WDR41: variants seen among roughly 807,000 people sequenced by gnomAD.
WDR41 encodes the protein WD repeat-containing protein 41.
Under a neutral mutation model 69.3 loss-of-function variants are expected in WDR41, and 63 were observed. The observed-to-expected ratio is 0.91, with a 90% CI of 0.74 to 1.12. The LOEUF (loss-of-function observed/expected upper bound fraction) is 1.12. WDR41 is among the 50% of genes most tolerant of loss of function. The probability of loss-of-function intolerance (pLI) is 0.00; values close to 1 mark genes in which losing one functional copy is unlikely to be tolerated. For synonymous variants in WDR41, 185 were observed against 192.1 expected, an observed-to-expected ratio of 0.96 and a Z score of 0.31; for missense variants, 543 against 534.5, an observed-to-expected ratio of 1.02 and a Z score of -0.16.
At chr5:77,460,799 A>G (rs1332632093) in intron 4 of WDR41, among the ~76,000 whole-genome samples, 1 of 152,180 alleles carries the variant, frequency 6.6e-6, no homozygotes, top group Non-Finnish European at 1.5e-5. Context: ...TGTCAGGTAT[A>G]AGATTTTCCA....
At chr5:77,518,867 T>C (rs1013952417) in intron 1 of WDR41, among the ~76,000 whole-genome samples, 1 of 152,038 alleles carries the variant, frequency 6.6e-6, no homozygotes, top group South Asian at 2.1e-4. Context: ...AAATGAATAA[T>C]CTCAGTGAGA....
chr5:77,544,582 A>G (rs1163909380), intron 1 of WDR41, among the ~76,000 whole-genome samples: 1 of 152,174 alleles, frequency 6.6e-6, no homozygotes, highest in Non-Finnish European at 1.5e-5. Context: ...GAGAGACATT[A>G]TATAATAATA....
intron 1 of WDR41, among the ~76,000 whole-genome samples, chr5:77,574,950 T>C (rs755202788): frequency 1.3e-5 from 2 of 152,098 alleles, no homozygotes; most frequent in Non-Finnish European, 2.9e-5. Context: ...AAACATAAAA[T>C]TATGCACAAC....
chr5:77,513,090 T>A (rs191590519), intron 1 of WDR41, among the ~76,000 whole-genome samples: 1 of 152,220 alleles, frequency 6.6e-6, no homozygotes, highest in Non-Finnish European at 1.5e-5. Flanking sequence ...AATTGACATA[T>A]TTTGAACATA....
At chr5:77,578,963 TCAAA>T (rs1389411441) in intron 1 of WDR41, among the ~76,000 whole-genome samples, 1 of 136,758 alleles carries the variant, frequency 7.3e-6, no homozygotes, top group African/African-American at 2.7e-5. Context: ...TAAAAAAGAG[TCAAA>T]CAAAAATTCT....
At chr5:77,564,258 C>A (rs566095471) in intron 1 of WDR41, among the ~76,000 whole-genome samples, 1 of 152,252 alleles carries the variant, frequency 6.6e-6, no homozygotes, top group South Asian at 2.1e-4. Flanking sequence ...GGTTAACTGT[C>A]AAATTGCATT....
At chr5:77,481,853 G>A (rs949959291) in intron 2 of WDR41, among the ~76,000 whole-genome samples, 1 of 149,168 alleles carries the variant, frequency 6.7e-6, no homozygotes, top group Non-Finnish European at 1.5e-5. Context: ...ATTACTTTAT[G>A]AAGCTGATAT....
chr5:77,580,364 T>C (rs1400569524), intron 1 of WDR41, among the ~76,000 whole-genome samples: 3 of 152,022 alleles, frequency 2.0e-5, no homozygotes, highest in Non-Finnish European at 2.9e-5. Context: ...TATAAAACCA[T>C]CAGATTTCAT....
At chr5:77,608,187 A>C (rs1045633821) in intron 1 of WDR41, among the ~76,000 whole-genome samples, 1 of 152,206 alleles carries the variant, frequency 6.6e-6, no homozygotes, top group East Asian at 1.9e-4. Flanking sequence ...TCCTTTTGAG[A>C]TGACCTATTT....
At chr5:77,473,021 T>C (rs1800703117) in intron 2 of WDR41, among the ~76,000 whole-genome samples, 1 of 152,188 alleles carries the variant, frequency 6.6e-6, no homozygotes, top group Non-Finnish European at 1.5e-5. Flanking sequence ...CTTCAAATTA[T>C]ACTACAAGGC....
At chr5:77,521,695 A>G (rs1316519208) in intron 1 of WDR41, among the ~76,000 whole-genome samples, 1 of 152,194 alleles carries the variant, frequency 6.6e-6, no homozygotes, top group Non-Finnish European at 1.5e-5. Context: ...TAAACTGACT[A>G]GAGGCTTTTT....
chr5:77,449,863 G>A lies in WDR41; in HGVS notation c.594C>T (p.Phe198=), dbSNP rs1159105892. ...ATCCTTCTGTGGGTGCTACCAACCTGAAAATTACTAAATGAAAAAGACAGA... is the reference window on the plus strand; with the variant it reads ...ATCCTTCTGTGGGTGCTACCAACCTAAAAATTACTAAATGAAAAAGACAGA... ...VAAVGKELII[F]RLVAPTEGSL... Residue 198 remains phenylalanine (F), a synonymous_variant, in exon 8 of 13, where the codon TTC becomes TTT. Coordinates refer to ENST00000296679, the MANE Select transcript of WDR41 (RefSeq NM_018268.4). 1 of 1,606,618 alleles carries A rather than the reference G, an allele frequency of 6.2e-7. No individual in the cohort carries two copies. The highest frequency in any genetic ancestry group is 1.1e-5 in the South Asian group (1 of 90,638).
chr5:77,524,612 A>ATT (rs1338493135), intron 1 of WDR41, among the ~76,000 whole-genome samples: 1 of 91,860 alleles, frequency 1.1e-5, no homozygotes. Flanking sequence ...GATAAGACAC[A>ATT]ATTTTTTTTT....
intron 1 of WDR41, among the ~76,000 whole-genome samples, chr5:77,526,266 C>A (rs1035105888): frequency 6.6e-6 from 1 of 151,564 alleles, no homozygotes; most frequent in Non-Finnish European, 1.5e-5. Flanking sequence ...ATGTCTACGT[C>A]ATTTCAACCT....
chr5:77,550,269 G>T (rs945172064), intron 1 of WDR41, among the ~76,000 whole-genome samples: 2 of 151,772 alleles, frequency 1.3e-5, no homozygotes, highest in African/African-American at 4.8e-5. Context: ...AAATAGTTTC[G>T]GCACAGCAAA....
At chr5:77,487,263 TTA>T (rs1455153597) in intron 2 of WDR41, among the ~76,000 whole-genome samples, 1 of 152,216 alleles carries the variant, frequency 6.6e-6, no homozygotes, top group Non-Finnish European at 1.5e-5. Flanking sequence ...TTATAAGAAA[TTA>T]TCAGATTTTC....
At chr5:77,440,038 AAGAAAAATGGATC>A (rs1799097002) in intron 9 of WDR41, among the ~76,000 whole-genome samples, 1 of 152,182 alleles carries the variant, frequency 6.6e-6, no homozygotes, top group African/African-American at 2.4e-5. Flanking sequence ...GAGTGGTACA[AAGAAAAATGGATC>A]ATATTCTCCC....
intron 8 of WDR41, among the ~76,000 whole-genome samples, chr5:77,443,887 TTTTTTTTTTTTTTG>T (rs1581698373): frequency 1.0e-5 from 1 of 99,702 alleles, no homozygotes; most frequent in African/African-American, 4.4e-5. Context: ...TTTTTTTTTT[TTTTTTTTTTTTTTG>T]AAATGAAGTC....
chr5:77,583,082 G>T, intron 1 of WDR41: 1 of 1,590,978 alleles, frequency 6.3e-7, no homozygotes. Context: ...GCTGGCAACA[G>T]GGAGGACCAG....
Sources: allele counts gnomAD v4.1 joint callset (sites outside exome capture counted in the v4.1 genomes callset), GRCh38; gene constraint gnomAD v4.1.1; transcripts MANE v1.5; gene names NCBI Gene and HGNC (gene_info 2026-07-23, HGNC 2026-07-21).